Variants in OC90 observed in about 807,000 individuals in gnomAD.
OC90 encodes otoconin 90, also known as otoconin-90.
OC90 carries 46 observed loss-of-function variants against 47.3 expected under a neutral mutation model. The ratio of observed to expected loss-of-function variants is 0.97; its 90% CI spans 0.77 to 1.24. The LOEUF (loss-of-function observed/expected upper bound fraction) is 1.24. Ranked by LOEUF, OC90 falls within the 50% of genes most tolerant of loss-of-function variation. The probability of loss-of-function intolerance (pLI) is 0.00; values close to 1 mark genes in which losing one functional copy is unlikely to be tolerated. For missense variants in OC90, 688 were observed against 583.9 expected, an observed-to-expected ratio of 1.18 and a Z score of -1.84; for synonymous variants, 271 against 219.5, an observed-to-expected ratio of 1.23 and a Z score of -2.07.
rs1012250217 is a variant in OC90 at position 132,038,728 on chromosome 8, C to T, written c.628+62G>A. Reference sequence around the variant, plus strand: ...AGGCCTGGTGGAGGAGGTGTATCCACCGGCTCCCATCAGCATCTGGGCCCT... The same window carrying T: ...AGGCCTGGTGGAGGAGGTGTATCCATCGGCTCCCATCAGCATCTGGGCCCT... On this transcript the variant is annotated intron_variant, in intron 8 of 13. Transcript: ENST00000254627. 8.1e-5 allele frequency: 109 copies of T among 1,341,396 alleles called. 1 individual carries two copies. The highest frequency in any genetic ancestry group is 2.1e-4 in the Middle Eastern group (1 of 4,808). The allele number at this position is 1,341,396 out of a possible 1,614,324, so 83.1% of individuals were successfully genotyped here.
At chr8:132,054,545 C>T (rs569967175) in intron 2 of OC90, among the ~76,000 whole-genome samples, 1 of 152,334 alleles carries the variant, frequency 6.6e-6, no homozygotes, top group South Asian at 2.1e-4. Context: ...GTTGGGCAAG[C>T]AGTCTTATCT....
At chr8:132,028,567 G>GAAAGA (rs1157447594) in intron 13 of OC90, among the ~76,000 whole-genome samples, 25 of 12,968 alleles carry the variant, frequency 1.9e-3, no homozygotes, top group East Asian at 9.7e-3. Context: ...AGAAAGAAAG[G>GAAAGA]AAGGAAGGAA....
In OC90 at chr8:132,031,900, G is replaced by A; in HGVS notation, c.1012C>T (p.Pro338Ser). Reference protein sequence around the residue: ...CYCGQEGRGEPRDDLDRCCLS... With the variant: ...CYCGQEGRGESRDDLDRCCLS... ...CCATACCTGTCTAGGTCATCCCTTG[G>A]CTCGCCTCTTCCTTCTTGTCCACAG... Residue 338 changes from proline (P) to serine (S), a missense_variant, in exon 12 of 14, where the codon CCA becomes TCA. Physicochemically the swap from Pro to Ser is moderately conservative, Grantham distance 74. Coordinates refer to ENST00000254627, the MANE Select transcript of OC90 (RefSeq NM_001080399.3). 1.9e-6 allele frequency: 3 copies of A among 1,613,872 alleles called. No individual in the cohort carries two copies. Among genetic ancestry groups the A allele is most frequent in the Non-Finnish European group, 1.7e-6 (2 of 1,179,806 alleles).
chr8:132,034,671 A>G, intron 10 of OC90, 110 bp downstream of exon 10: 2 of 731,316 alleles, frequency 2.7e-6, no homozygotes, highest in Non-Finnish European at 4.6e-6. Context: ...TCCCATGCTG[A>G]CAAGGTCATG....
chr8:132,032,146 A>G (rs755520488), intron 11 of OC90, 94 bp from the exon 12 acceptor site: 7 of 1,137,354 alleles, frequency 6.2e-6, no homozygotes, highest in Non-Finnish European at 9.0e-6. Context: ...TATGTGGACA[A>G]CTCTAGTCAT....
rs111352495 is a variant in OC90 at position 132,038,335 on chromosome 8, G to A, written c.628+455C>T. On this transcript the variant is annotated intron_variant, in intron 8 of 13. Coordinates refer to ENST00000254627, the MANE Select transcript of OC90 (RefSeq NM_001080399.3). ...CCAGGCTGCCCCTTTTGCTGCAGGC[G>A]CTGGAGAGTGCGTGGAGAAAGGGGA... is the stretch of plus-strand genomic sequence containing the variant. Among the ~76,000 whole-genome samples, 1,424 of 152,286 alleles carry A rather than the reference G, an allele frequency of 9.4e-3. 26 individuals carry two copies. Among genetic ancestry groups the A allele is most frequent in the South Asian group, 0.052 (251 of 4,812 alleles).
chr8:132,046,731 GGTTTTGTCTTTCTTC>G (rs1289284106), intron 2 of OC90, among the ~76,000 whole-genome samples: 1 of 152,122 alleles, frequency 6.6e-6, no homozygotes, highest in African/African-American at 2.4e-5. Flanking sequence ...TGATCAAAAG[GGTTTTGTCTTTCTTC>G]GTCAAGTGGA....
rs1367386113 is a variant in OC90, at chr8:132,024,406, G to A, written c.*75C>T. 8.4e-7 allele frequency: 1 copy of A among 1,196,960 alleles called. No homozygotes were observed. The highest frequency in any genetic ancestry group is 1.2e-6 in the Non-Finnish European group (1 of 858,210). 74.1% of individuals were successfully genotyped at this position (1,196,960 alleles called of 1,614,324 possible). A position where few individuals can be genotyped will look rare whatever the true frequency, so the allele number is the denominator to read the frequency against. On this transcript the variant is annotated 3_prime_UTR_variant, in exon 14 of 14. Transcript: ENST00000254627. ...GGGAAGAAGGCTCCAAGGGACAGAG[G>A]AGGCTGAGAGATAAAGAGCTGAAGG...
intron 8 of OC90, among the ~76,000 whole-genome samples, chr8:132,037,778 T>G (rs1208853369): frequency 6.6e-6 from 1 of 152,120 alleles, no homozygotes; most frequent in Admixed American, 6.5e-5. Context: ...ACCCCAAAGA[T>G]ATCCCAGCTT....
At position 132,039,054 on chromosome 8, in the gene OC90, G is replaced by C. The variant is rs1017028807; in HGVS notation, c.527C>G (p.Ser176Cys). The C allele has an allele frequency of 1.2e-6, 2 of 1,613,912 alleles. No homozygotes were observed. Among genetic ancestry groups the C allele is most frequent in the East Asian group, 4.5e-5 (2 of 44,872 alleles). The change falls in exon 7 of 14, where the codon TCC (serine) becomes TGC (cysteine). Residue 176 changes from serine to cysteine, a missense_variant. Transcript: ENST00000254627. ...DKAAIECLAR[S>C]SLNSSLNLLD... The stretch of plus-strand genomic sequence containing the variant: ...AAGGTTCAGGGAAGAGTTGAGGCTG[G>C]ATCGAGCCAAGCACTCTATGGCAGC...
At chr8:132,052,217 A>T (rs1265108566) in intron 2 of OC90, among the ~76,000 whole-genome samples, 1 of 152,174 alleles carries the variant, frequency 6.6e-6, no homozygotes. Flanking sequence ...GGGGACTGTG[A>T]CCTGTAAAAT....
intron 5 of OC90, 112 bp downstream of exon 5, chr8:132,041,413 C>A (rs1823050780): frequency 2.1e-6 from 2 of 933,126 alleles, no homozygotes; most frequent in Non-Finnish European, 3.2e-6. Context: ...TAAACCCTCT[C>A]CTGAGTCCCA....
chr8:132,028,547 AAAGAAAGAAAGAAAGAAAGGAAGG>A (rs1481247116), intron 13 of OC90, among the ~76,000 whole-genome samples: 12 of 16,308 alleles, frequency 7.4e-4, no homozygotes, highest in East Asian at 3.8e-3. Flanking sequence ...AGAAAGAAAG[AAAGAAAGAAAGAAAGAAAGGAAGG>A]AAGGAAGGAA....
At chr8:132,025,877 C>T (rs1343839856) in intron 13 of OC90, among the ~76,000 whole-genome samples, 1 of 152,210 alleles carries the variant, frequency 6.6e-6, no homozygotes, top group East Asian at 1.9e-4. Context: ...AGTCCAAGCA[C>T]CTAACTCAAA....
At chr8:132,025,340 A>G (rs1822741422) in intron 13 of OC90, among the ~76,000 whole-genome samples, 1 of 152,206 alleles carries the variant, frequency 6.6e-6, no homozygotes, top group Non-Finnish European at 1.5e-5. Flanking sequence ...CAACTTCCCA[A>G]TAAAAACTTA....
At chr8:132,025,405 G>A (rs975871579) in intron 13 of OC90, among the ~76,000 whole-genome samples, 1 of 152,196 alleles carries the variant, frequency 6.6e-6, no homozygotes, top group Non-Finnish European at 1.5e-5. Context: ...ACAGTAAGGG[G>A]AAAATTGGCA....
chr8:132,048,821 A>G (rs1203689506), intron 2 of OC90, among the ~76,000 whole-genome samples: 2 of 151,558 alleles, frequency 1.3e-5, no homozygotes, highest in Non-Finnish European at 2.9e-5. Flanking sequence ...TGTTTGGCCA[A>G]CTTCGTCACA....
intron 2 of OC90, among the ~76,000 whole-genome samples, chr8:132,048,454 C>T (rs1823166049): frequency 6.6e-6 from 1 of 151,726 alleles, no homozygotes; most frequent in Admixed American, 6.6e-5. Flanking sequence ...GCTGCACTAA[C>T]CCACCGTGGT....
At position 132,045,842 on chromosome 8, in the gene OC90, G is replaced by A; in HGVS notation, c.88C>T (p.Pro30Ser). 6.5e-7 allele frequency: 1 copy of A among 1,545,972 alleles called. No individual in the cohort carries two copies. Among genetic ancestry groups the A allele is most frequent in the Non-Finnish European group, 8.8e-7 (1 of 1,141,766 alleles). ...CTGATATTGTTTGGGAGTCCTGGAG[G>A]CAGCTCCTGTGGAAGATGTGGAGTG... Reference protein sequence around the residue: ...LDTPHLPQELPPGLPNNINIT... With the variant: ...LDTPHLPQELSPGLPNNINIT... Residue 30 changes from proline (P) to serine (S), a missense_variant, in exon 3 of 14, where the codon CCT becomes TCT. Physicochemically the swap from Pro to Ser is moderately conservative, Grantham distance 74. Coordinates refer to ENST00000254627, the MANE Select transcript of OC90 (RefSeq NM_001080399.3).
Sources: gnomAD v4.1 joint callset for allele counts (sites outside exome capture counted in the v4.1 genomes callset) on GRCh38, gnomAD v4.1.1 for gene constraint, MANE v1.5 for transcripts, NCBI Gene and HGNC (gene_info 2026-07-23, HGNC 2026-07-21) for gene names.